The following GSE1 variants were observed in gnomAD, a reference collection of about 807,000 sequenced individuals.
The protein encoded by GSE1 is genetic suppressor element 1.
Under a neutral mutation model 112.6 loss-of-function variants are expected in GSE1, and 32 were observed. That is an observed-to-expected ratio of 0.28 (90% confidence interval 0.21 to 0.38). The LOEUF (loss-of-function observed/expected upper bound fraction) is 0.38. GSE1 is among the 10% of genes least tolerant of loss of function. GSE1 has a pLI of 1.00. For synonymous variants in GSE1, 1,115 were observed against 735.6 expected (o/e 1.52, Z -8.35); for missense variants, 2,348 against 1,699.2 (o/e 1.38, Z -6.71).
intron 11 of GSE1, chr16:85,664,611 T>C (rs922471775): frequency 6.1e-6 from 1 of 163,492 alleles, no homozygotes; most frequent in African/African-American, 2.4e-5. Context: ...GAAGTGGCAG[T>C]AATGGTAGGA....
intron 2 of GSE1, among the ~76,000 whole-genome samples, chr16:85,399,339 G>T (rs2048039138): frequency 1.3e-5 from 2 of 152,212 alleles, no homozygotes; most frequent in South Asian, 4.1e-4. Flanking sequence ...ACGTGGAAAG[G>T]TGGGCTTCCG....
At chr16:85,484,767 C>G (rs563367953) in intron 2 of GSE1, among the ~76,000 whole-genome samples, 1 of 152,386 alleles carries the variant, frequency 6.6e-6, no homozygotes, top group South Asian at 2.1e-4. Context: ...CACTCCACCT[C>G]TGCTCCATGC....
intron 1 of GSE1, among the ~76,000 whole-genome samples, chr16:85,315,373 A>G (rs1172541944): frequency 6.6e-6 from 1 of 152,166 alleles, no homozygotes; most frequent in Non-Finnish European, 1.5e-5. Flanking sequence ...GATGGCAAAC[A>G]GGCAGGGAAC....
At chr16:85,408,877 A>AG (rs576712346) in intron 2 of GSE1, among the ~76,000 whole-genome samples, 4 of 16,622 alleles carry the variant, frequency 2.4e-4, no homozygotes, top group Admixed American at 6.0e-4. Context: ...TGTTACACTC[A>AG]GGCCCCCTGG....
chr16:85,522,919 T>A (rs1032779713), intron 2 of GSE1, among the ~76,000 whole-genome samples: 11 of 152,056 alleles, frequency 7.2e-5, no homozygotes, highest in African/African-American at 2.7e-4. Flanking sequence ...TGTTTGTGTA[T>A]GTATGTTGTA....
intron 2 of GSE1, among the ~76,000 whole-genome samples, chr16:85,366,584 G>A (rs1252622934): frequency 6.6e-6 from 1 of 152,168 alleles, no homozygotes; most frequent in Non-Finnish European, 1.5e-5. Context: ...GGAATATTTA[G>A]CAGGGACTTT....
chr16:85,625,915 C>T (rs560150910), intron 1 of GSE1, among the ~76,000 whole-genome samples: 3 of 152,154 alleles, frequency 2.0e-5, no homozygotes, highest in Non-Finnish European at 4.4e-5. Flanking sequence ...CTGTGTTGCT[C>T]TTTCCTCCTG....
intron 1 of GSE1, among the ~76,000 whole-genome samples, chr16:85,192,272 G>T (rs2074839288): frequency 1.3e-5 from 2 of 152,160 alleles, no homozygotes; most frequent in Non-Finnish European, 2.9e-5. Context: ...TTCAAATCGG[G>T]GCTCTACCCC....
chr16:85,252,639 C>T (rs1906612592), intron 1 of GSE1, among the ~76,000 whole-genome samples: 1 of 152,230 alleles, frequency 6.6e-6, no homozygotes, highest in Non-Finnish European at 1.5e-5. Context: ...GGAGAGGCCC[C>T]AGCTGTGGCT....
intron 1 of GSE1, among the ~76,000 whole-genome samples, chr16:85,587,164 C>G (rs1484190671): frequency 7.0e-6 from 1 of 143,282 alleles, no homozygotes; most frequent in African/African-American, 2.7e-5. Flanking sequence ...GGTCTGAGGA[C>G]GAAACCCCCC....
chr16:85,575,895 C>T (rs1462632148), intron 1 of GSE1, among the ~76,000 whole-genome samples: 1 of 144,858 alleles, frequency 6.9e-6, no homozygotes, highest in African/African-American at 2.6e-5. Flanking sequence ...TATGCTGCCT[C>T]GTTTCTGTTT....
chr16:85,472,292 G>T (rs554098141), intron 2 of GSE1, among the ~76,000 whole-genome samples: 2 of 152,284 alleles, frequency 1.3e-5, no homozygotes, highest in South Asian at 2.1e-4. Context: ...CAAGGTGTGC[G>T]CAGGGCTGTG....
At chr16:85,501,625 C>T (rs1597975372) in intron 2 of GSE1, among the ~76,000 whole-genome samples, 1 of 151,732 alleles carries the variant, frequency 6.6e-6, no homozygotes, top group Non-Finnish European at 1.5e-5. Flanking sequence ...GAACCCCTGG[C>T]CTCGGCAACC....
intron 1 of GSE1, among the ~76,000 whole-genome samples, chr16:85,579,124 G>T (rs1253555430): frequency 6.6e-6 from 1 of 152,178 alleles, no homozygotes; most frequent in African/African-American, 2.4e-5. Flanking sequence ...GGGAGAAGTG[G>T]GGTGACCTTG....
At chr16:85,504,328 T>A (rs1007940591) in intron 2 of GSE1, among the ~76,000 whole-genome samples, 2 of 152,196 alleles carry the variant, frequency 1.3e-5, no homozygotes, top group African/African-American at 4.8e-5. Context: ...GGCCACACAC[T>A]TTCCCCTTAG....
intron 2 of GSE1, among the ~76,000 whole-genome samples, chr16:85,411,361 T>C (rs868426339): frequency 2.4e-4 from 4 of 16,348 alleles, no homozygotes; most frequent in African/African-American, 4.2e-4. Context: ...TAATCCTCAC[T>C]GTTACACTCA....
intron 2 of GSE1, among the ~76,000 whole-genome samples, chr16:85,358,845 GAGC>G (rs2047007269): frequency 6.6e-6 from 1 of 152,200 alleles, no homozygotes; most frequent in Non-Finnish European, 1.5e-5. Context: ...CCGTTGCCTT[GAGC>G]CAGCTAATCA....
intron 1 of GSE1, among the ~76,000 whole-genome samples, chr16:85,300,826 T>A (rs1450131730): frequency 6.6e-6 from 1 of 152,200 alleles, no homozygotes; most frequent in Non-Finnish European, 1.5e-5. Context: ...ACCACCCACC[T>A]GGCGTGTGGC....
rs542716443 is a variant in GSE1 at position 85,270,680 on chromosome 16, C to A, written c.2284-86783C>A. Among the ~76,000 whole-genome samples the A allele has an allele frequency of 6.7e-5, 9 of 134,710 alleles. No individual in the cohort carries two copies. In the East Asian group the frequency reaches 1.7e-3, roughly 26 times the overall value. The allele number at this position is 134,710 out of a possible 152,430, so 88.4% of individuals were successfully genotyped here. A position where few individuals can be genotyped will look rare whatever the true frequency, so the allele number is the denominator to read the frequency against. On this transcript the variant is annotated intron_variant, in intron 1 of 2. Transcript: ENST00000637419. ...CGTGCGGCCTTGAAGGAAACACACA[C>A]GAGAGGGAGGAAAAATCCATTTAAT...
Sources: gnomAD v4.1 joint callset for allele counts (sites outside exome capture counted in the v4.1 genomes callset) on GRCh38, gnomAD v4.1.1 for gene constraint, MANE v1.5 for transcripts, NCBI Gene and HGNC (gene_info 2026-07-23, HGNC 2026-07-21) for gene names.